Variants in FCGR2B observed in about 807,000 individuals in gnomAD.
The protein encoded by FCGR2B is Fc gamma receptor IIb.
Under a neutral mutation model 24.8 loss-of-function variants are expected in FCGR2B, and 18 were observed. That is an observed-to-expected ratio of 0.73 (90% CI 0.50 to 1.08). FCGR2B has a LOEUF of 1.08. FCGR2B is among the 50% of genes least tolerant of loss of function. The pLI is 0.00. For synonymous variants in FCGR2B, 79 were observed against 109.8 expected, an observed-to-expected ratio of 0.72 and a Z score of 1.75; for missense variants, 215 against 297.6, an observed-to-expected ratio of 0.72 and a Z score of 2.04.
chr1:161,676,112 G>A (rs536989532), intron 6 of FCGR2B: 2 of 230,462 alleles, frequency 8.7e-6, no homozygotes, highest in Non-Finnish European at 1.7e-5. Context: ...CTTCCAGGAG[G>A]ATGCCAGGCA....
At chr1:161,675,494 G>C (rs1318816177) in intron 6 of FCGR2B, 181 bp downstream of exon 6, 2 of 490,570 alleles carry the variant, frequency 4.1e-6, no homozygotes, top group Non-Finnish European at 7.3e-6. Context: ...GCCTAAAGAC[G>C]ACCTCTCTGG....
intron 5 of FCGR2B, chr1:161,674,492 T>C: frequency 2.3e-5 from 7 of 305,004 alleles, no homozygotes; most frequent in South Asian, 2.2e-4. Flanking sequence ...AGTGATGGAG[T>C]GCACATAGTG....
At chr1:161,671,078 G>A (rs1055334120) in intron 2 of FCGR2B, among the ~76,000 whole-genome samples, 23 of 152,096 alleles carry the variant, frequency 1.5e-4, no homozygotes, top group African/African-American at 5.1e-4. Context: ...TGTGCTGGTG[G>A]GGAGAGGTTG....
At chr1:161,649,526 C>T in the FCGR2B span, among the ~76,000 whole-genome samples, 1 of 150,824 alleles carries the variant, frequency 6.6e-6, no homozygotes, top group East Asian at 1.9e-4. Flanking sequence ...TTTTCATGAA[C>T]AATTGATAAA....
chr1:161,649,986 G>A, the FCGR2B span, among the ~76,000 whole-genome samples: 2 of 150,210 alleles, frequency 1.3e-5, no homozygotes, highest in Non-Finnish European at 3.0e-5. Flanking sequence ...AGTGAATTTT[G>A]TTTTAGAAAA....
chr1:161,652,549 T>C, the FCGR2B span, among the ~76,000 whole-genome samples: 49 of 135,258 alleles, frequency 3.6e-4, 8 homozygotes, highest in South Asian at 1.8e-3. Flanking sequence ...TTAAGTATGG[T>C]TGTAATTAAT....
At chr1:161,656,225 A>G in the FCGR2B span, among the ~76,000 whole-genome samples, 17 of 147,832 alleles carry the variant, frequency 1.1e-4, 1 homozygote, top group Non-Finnish European at 2.0e-4. Context: ...TATTGTTTTT[A>G]TATCTGTCTC....
At chr1:161,672,695 G>A (rs566929758) in intron 3 of FCGR2B, 150 of 509,456 alleles carry the variant, frequency 2.9e-4, no homozygotes, top group Non-Finnish European at 3.7e-4. Flanking sequence ...GGAGAAGGAG[G>A]AGATGAGTGT....
At chr1:161,654,819 C>T in the FCGR2B span, among the ~76,000 whole-genome samples, 2 of 138,478 alleles carry the variant, frequency 1.4e-5, no homozygotes, top group African/African-American at 2.5e-5. Context: ...TGCCTCACTA[C>T]CTCAGCACTC....
At position 161,677,760 on chromosome 1, in the gene FCGR2B, G is replaced by A; in HGVS notation, c.*207G>A. ...TCCCAAATAACCGACTGCACCTTCTGTGCTTCAGCTCTTCTTGACATCAAG... is the reference window on the plus strand; with the variant it reads ...TCCCAAATAACCGACTGCACCTTCTATGCTTCAGCTCTTCTTGACATCAAG... On this transcript the variant is annotated 3_prime_UTR_variant, in exon 8 of 8. Coordinates refer to ENST00000358671, the MANE Select transcript of FCGR2B (RefSeq NM_001394477.1). The A allele has an allele frequency of 1.8e-6, 1 of 547,154 alleles. No individual in the cohort carries two copies. The highest frequency in any genetic ancestry group is 3.2e-6 in the Non-Finnish European group (1 of 312,200). 33.9% of individuals were successfully genotyped at this position (547,154 alleles called of 1,614,324 possible).
chr1:161,671,690 G>C, intron 3 of FCGR2B, 41 bp downstream of exon 3: 1 of 1,610,058 alleles, frequency 6.2e-7, no homozygotes. Context: ...GGGAGGGCCA[G>C]GACGGATGAA....
chr1:161,671,457 G>C lies in FCGR2B; in HGVS notation c.199G>C (p.Val67Leu). The change falls in exon 3 of 8, where the codon GTG (valine) becomes CTG (leucine). Residue 67 changes from valine to leucine, a missense_variant. Val to Leu is a conservative substitution (Grantham distance 32). Around this residue, in one of 5 missense-constraint regions of FCGR2B, gnomAD observed 77 missense variants for 68.8 expected, o/e 1.12. Coordinates refer to ENST00000358671, the MANE Select transcript of FCGR2B (RefSeq NM_001394477.1). ...GATCAACGTGCTCCAGGAGGACTCT[G>C]TGACTCTGACATGCCGGGGGACTCA... is the stretch of plus-strand genomic sequence containing the variant. ...QWINVLQEDS[V>L]TLTCRGTHSP... 1 of 1,614,212 alleles carries C rather than the reference G, an allele frequency of 6.2e-7. No individual in the cohort carries two copies. Among genetic ancestry groups the C allele is most frequent in the Non-Finnish European group, 8.5e-7 (1 of 1,180,044 alleles).
the FCGR2B span, among the ~76,000 whole-genome samples, chr1:161,651,722 G>A: frequency 8.3e-6 from 1 of 120,080 alleles, no homozygotes; most frequent in Non-Finnish European, 1.9e-5. Context: ...GATCACCTGA[G>A]GTCGGGAGTT....
At chr1:161,655,354 C>T in the FCGR2B span, among the ~76,000 whole-genome samples, 2 of 122,260 alleles carry the variant, frequency 1.6e-5, no homozygotes, top group East Asian at 4.2e-4. Context: ...CTTCATGGTG[C>T]AAGCCTGTTT....
rs1422171715 is a variant in FCGR2B, at chr1:161,675,296, C to A, written c.800C>A (p.Thr267Asn). ...CCTGAGTGCAGGGAAATGGGAGAGA[C>A]CCTCCCTGAGAAACCAGGTGAGTAC... ...GYPECREMGETLPEKPANPTN... is the reference protein window; with the variant it reads ...GYPECREMGENLPEKPANPTN... The change falls in exon 6 of 8, where the codon ACC becomes AAC. Residue 267 changes from threonine to asparagine, a missense_variant. By Grantham distance (65) the Thr-to-Asn change is moderately conservative. Transcript: ENST00000358671. The A allele has an allele frequency of 2.2e-5, 35 of 1,604,112 alleles. No individual in the cohort carries two copies. Among genetic ancestry groups the A allele is most frequent in the Non-Finnish European group, 3.0e-5 (35 of 1,175,538 alleles).
At chr1:161,669,579 TAAAATAAAA>T (rs1364882994) in intron 1 of FCGR2B, among the ~76,000 whole-genome samples, 2 of 71,258 alleles carry the variant, frequency 2.8e-5, no homozygotes, top group African/African-American at 9.5e-5. Context: ...CCCCACAAAA[TAAAATAAAA>T]TAAAATAAAA....
Position 161,671,593 on chromosome 1 carries a change from C to T in FCGR2B, c.335C>T (p.Thr112Met), listed in dbSNP as rs1388345850. 3.7e-6 allele frequency: 6 copies of T among 1,614,012 alleles called. No homozygotes were observed. The highest frequency in any genetic ancestry group is 2.2e-5 in the East Asian group (1 of 44,872). Residue 112 changes from threonine (T) to methionine (M), a missense_variant, in exon 3 of 8, where the codon ACG becomes ATG. Thr to Met is a moderately conservative substitution (Grantham distance 81, BLOSUM62 -1). This residue lies in a region of FCGR2B where 39 missense variants were observed against 73.3 expected (regional missense o/e 0.53). Transcript: ENST00000358671. ...KANNNDSGEYTCQTGQTSLSD... is the reference protein window; with the variant it reads ...KANNNDSGEYMCQTGQTSLSD... ...AACAACAATGACAGCGGGGAGTACA[C>T]GTGCCAGACTGGCCAGACCAGCCTC...
At chr1:161,661,199 AAAG>A (rs1467015442), upstream of FCGR2B, among the ~76,000 whole-genome samples, 7 of 42,828 alleles carry the variant, frequency 1.6e-4, no homozygotes, top group Non-Finnish European at 3.4e-4. Flanking sequence ...GGAAAGAAAG[AAAG>A]AAAGAAAGAA....
At chr1:161,647,703 C>T in the FCGR2B span, among the ~76,000 whole-genome samples, 1 of 150,898 alleles carries the variant, frequency 6.6e-6, no homozygotes, top group Non-Finnish European at 1.5e-5. Flanking sequence ...AAACTGGATT[C>T]CTTCGTCCTG....
Sources: gnomAD v4.1 joint callset for allele counts (sites outside exome capture counted in the v4.1 genomes callset) on GRCh38, gnomAD v4.1.1 for gene constraint, gnomAD v4.1.1 regional missense constraint, MANE v1.5 for transcripts, NCBI Gene and HGNC (gene_info 2026-07-23, HGNC 2026-07-21) for gene names.